Variants in LARGE1 observed in about 807,000 individuals in gnomAD.
LARGE1 encodes LARGE xylosyl- and glucuronyltransferase 1, also known as xylosyl- and glucuronyltransferase LARGE1.
A neutral mutation model predicts 87.6 loss-of-function variants in LARGE1; 43 were observed. That is an observed-to-expected ratio of 0.49 (90% CI 0.38 to 0.63). LARGE1 has a LOEUF of 0.63. Ranked by LOEUF, LARGE1 falls within the 30% of genes least tolerant of loss-of-function variation. The pLI is 0.00. For synonymous variants in LARGE1, 434 were observed against 394.6 expected, an observed-to-expected ratio of 1.10 and a Z score of -1.18; for missense variants, 802 against 1,000.2, an observed-to-expected ratio of 0.80 and a Z score of 2.67.
chr22:33,361,391 A>G (rs2064381750), intron 9 of LARGE1, among the ~76,000 whole-genome samples: 1 of 149,486 alleles, frequency 6.7e-6, no homozygotes, highest in Non-Finnish European at 1.5e-5. Flanking sequence ...AAAGAGCTCA[A>G]TGCATTCTAC....
intron 10 of LARGE1, among the ~76,000 whole-genome samples, chr22:33,331,425 T>C (rs1937681737): frequency 6.7e-6 from 1 of 149,098 alleles, no homozygotes; most frequent in Admixed American, 6.7e-5. Context: ...TTTTTTTTTT[T>C]TGACGGAGTC....
chr22:33,592,336 C>T (rs1046532974), intron 5 of LARGE1, among the ~76,000 whole-genome samples: 2 of 152,036 alleles, frequency 1.3e-5, no homozygotes, highest in African/African-American at 2.4e-5. Flanking sequence ...TCTGTCTCAT[C>T]TTCTTTGCTT....
intron 6 of LARGE1, among the ~76,000 whole-genome samples, chr22:33,558,441 C>T (rs564992024): frequency 2.0e-5 from 3 of 152,134 alleles, no homozygotes; most frequent in African/African-American, 2.4e-5. Flanking sequence ...TCCAAGTGTC[C>T]GTCAGGTACC....
intron 14 of LARGE1, among the ~76,000 whole-genome samples, chr22:33,276,738 C>T (rs748758452): frequency 2.0e-5 from 3 of 152,206 alleles, no homozygotes; most frequent in African/African-American, 2.4e-5. Context: ...GTGTCTGTTA[C>T]GTGACTCAAA....
chr22:33,668,765 A>G (rs1470765081), intron 2 of LARGE1, among the ~76,000 whole-genome samples: 1 of 152,210 alleles, frequency 6.6e-6, no homozygotes, highest in East Asian at 1.9e-4. Flanking sequence ...AGGACCCCAG[A>G]GATAATCAAA....
intron 11 of LARGE1, among the ~76,000 whole-genome samples, chr22:33,251,107 T>TATC (rs1926991700): frequency 6.6e-6 from 1 of 152,182 alleles, no homozygotes; most frequent in South Asian, 2.1e-4. Context: ...TAGTCAATCT[T>TATC]ATCTCTTACT....
intron 1 of LARGE1, among the ~76,000 whole-genome samples, chr22:33,783,943 G>T (rs2085514952): frequency 6.6e-6 from 1 of 152,154 alleles, no homozygotes; most frequent in Admixed American, 6.6e-5. Context: ...TTTAAAAGGA[G>T]CTTCCAAGTT....
chr22:33,384,049 G>A, intron 8 of LARGE1, 143 bp downstream of exon 8: 2 of 745,048 alleles, frequency 2.7e-6, no homozygotes, highest in Non-Finnish European at 4.9e-6. Context: ...TCTTAGACTG[G>A]CAAGAATAAG....
At chr22:33,568,764 C>A (rs1257149658) in intron 5 of LARGE1, among the ~76,000 whole-genome samples, 1 of 29,614 alleles carries the variant, frequency 3.4e-5, no homozygotes, top group African/African-American at 8.8e-5. Context: ...GAAACTCAGT[C>A]TCAAAAAAAA....
At chr22:33,628,156 T>G (rs576542254) in intron 3 of LARGE1, among the ~76,000 whole-genome samples, 1 of 152,308 alleles carries the variant, frequency 6.6e-6, no homozygotes, top group African/African-American at 2.4e-5. Flanking sequence ...AAAGCTAGTA[T>G]GTAGTGAGCA....
chr22:33,839,247 A>G (rs1326879860), intron 1 of LARGE1, among the ~76,000 whole-genome samples: 3 of 152,204 alleles, frequency 2.0e-5, no homozygotes, highest in Non-Finnish European at 4.4e-5. Flanking sequence ...ACATGACAAA[A>G]GTGGGAGCAA....
chr22:33,426,006 A>G (rs918074238), intron 7 of LARGE1, among the ~76,000 whole-genome samples: 1 of 152,118 alleles, frequency 6.6e-6, no homozygotes. Flanking sequence ...TCGGCCTCCT[A>G]AAGTGCTGGG....
At chr22:33,545,250 A>G (rs867140107) in intron 6 of LARGE1, among the ~76,000 whole-genome samples, 1 of 144,178 alleles carries the variant, frequency 6.9e-6, no homozygotes, top group East Asian at 2.0e-4. Flanking sequence ...CAGAACACCT[A>G]TGTCTTTCCT....
At chr22:33,553,042 C>T (rs1464162346) in intron 6 of LARGE1, among the ~76,000 whole-genome samples, 1 of 152,182 alleles carries the variant, frequency 6.6e-6, no homozygotes, top group East Asian at 1.9e-4. Context: ...AAACCCCCAA[C>T]TCCTATGCTT....
intron 6 of LARGE1, among the ~76,000 whole-genome samples, chr22:33,513,925 A>AT (rs2071175872): frequency 6.6e-6 from 1 of 151,702 alleles, no homozygotes; most frequent in Non-Finnish European, 1.5e-5. Context: ...ATGACGTTGC[A>AT]TTTTTACTGT....
chr22:33,345,382 G>A (rs1434310230), intron 9 of LARGE1, among the ~76,000 whole-genome samples: 3 of 152,194 alleles, frequency 2.0e-5, no homozygotes, highest in Non-Finnish European at 2.9e-5. Flanking sequence ...GACAAAAGAT[G>A]ACAGGATCAG....
chr22:33,071,806 G>A, the LARGE1 span, among the ~76,000 whole-genome samples: 26 of 152,284 alleles, frequency 1.7e-4, no homozygotes, highest in South Asian at 5.0e-3. Flanking sequence ...AGGGGCCCAC[G>A]TTTGGGAACT....
In LARGE1 at chr22:33,813,765, T is replaced by G. The variant is rs112125122; in HGVS notation, c.-82-52207A>C. ...CCTTTTCTCCATCTTGACTGGTATCTCCAGTTTTTCCCAAACTCTTGCATT... is the reference window on the plus strand; with the variant it reads ...CCTTTTCTCCATCTTGACTGGTATCGCCAGTTTTTCCCAAACTCTTGCATT... On this transcript the variant is annotated intron_variant, in intron 1 of 14. Transcript: ENST00000397394. 4.9e-3 allele frequency among the ~76,000 whole-genome samples: 749 copies of G among 152,274 alleles called. 5 individuals carry two copies. Among genetic ancestry groups the G allele is most frequent in the African/African-American group, 0.017 (692 of 41,554 alleles).
intron 1 of LARGE1, among the ~76,000 whole-genome samples, chr22:33,790,425 C>T (rs1024669949): frequency 1.3e-5 from 2 of 152,200 alleles, no homozygotes; most frequent in Non-Finnish European, 2.9e-5. Context: ...TGAAGGGAAA[C>T]TGGCCTACAC....
Sources: gnomAD v4.1 joint callset for allele counts (sites outside exome capture counted in the v4.1 genomes callset) on GRCh38, gnomAD v4.1.1 for gene constraint, MANE v1.5 for transcripts, NCBI Gene and HGNC (gene_info 2026-07-23, HGNC 2026-07-21) for gene names.